Variants in NLGN4X observed in about 807,000 individuals in gnomAD.
The protein encoded by NLGN4X is neuroligin 4 X-linked, also known as neuroligin-4, X-linked.
In NLGN4X, 3 loss-of-function variants were observed where a neutral mutation model predicts 40.3. The ratio of observed to expected loss-of-function variants is 0.07; its 90% CI spans 0.03 to 0.19. The LOEUF (loss-of-function observed/expected upper bound fraction) is 0.19. Ranked by LOEUF, NLGN4X falls within the 10% of genes least tolerant of loss-of-function variation. The pLI, the probability that NLGN4X is intolerant of heterozygous loss-of-function variation, is 1.00. For synonymous variants in NLGN4X, 270 were observed against 306.8 expected (o/e 0.88, Z 1.25); for missense variants, 382 against 708.3 (o/e 0.54, Z 5.23).
In NLGN4X at chrX:6,221,737, C is replaced by T. The variant is rs1025153516; in HGVS notation, c.-306+6804G>A. ...ATAAGTTAAAGGCACTCAGTTGCAG[C>T]GAGCTTCTTCTGCCCCCATCCCCCA... On this transcript the variant is annotated intron_variant, in intron 1 of 5. Coordinates refer to ENST00000381095, the MANE Select transcript of NLGN4X (RefSeq NM_181332.3). 8.2e-5 allele frequency among the ~76,000 whole-genome samples: 9 copies of T among 110,421 alleles called. No individual in the cohort carries two copies. The East Asian group carries it at 1.4e-3, about 18-fold the overall frequency.
chrX:6,077,490 T>G (rs2147388118), intron 2 of NLGN4X, among the ~76,000 whole-genome samples: 1 of 110,270 alleles, frequency 9.1e-6, no homozygotes, highest in East Asian at 2.9e-4. Flanking sequence ...GGTTTCACTA[T>G]GTTGCCCAGG....
chrX:5,993,601 C>T (rs943262515), intron 3 of NLGN4X, among the ~76,000 whole-genome samples: 1 of 112,084 alleles, frequency 8.9e-6, no homozygotes, highest in Non-Finnish European at 1.9e-5. Context: ...CAAAGCAAGG[C>T]CTAGTAACAG....
chrX:6,210,242 T>TTGTG (rs748017875), intron 1 of NLGN4X, among the ~76,000 whole-genome samples: 1,592 of 94,034 alleles, frequency 0.017, 22 homozygotes, highest in African/African-American at 0.049. Flanking sequence ...GTGCGCCCGT[T>TTGTG]TGTGTGTGTG....
intron 2 of NLGN4X, among the ~76,000 whole-genome samples, chrX:6,128,180 T>C (rs192024601): frequency 1.8e-5 from 2 of 111,091 alleles, no homozygotes; most frequent in East Asian, 2.9e-4. Flanking sequence ...AATGGGTCAT[T>C]AGGGAGTTGA....
chrX:6,073,873 G>T (rs1045317662), intron 2 of NLGN4X, among the ~76,000 whole-genome samples: 3 of 109,723 alleles, frequency 2.7e-5, no homozygotes, highest in Non-Finnish European at 5.7e-5. Flanking sequence ...AGATAATGAA[G>T]GAATAATGCA....
At chrX:6,088,938 A>G (rs1450634210) in intron 2 of NLGN4X, among the ~76,000 whole-genome samples, 1 of 111,984 alleles carries the variant, frequency 8.9e-6, no homozygotes, top group Admixed American at 9.5e-5. Flanking sequence ...CAGATGAATG[A>G]TAAATGCCTG....
At chrX:6,162,078 G>A (rs1187050149) in intron 1 of NLGN4X, among the ~76,000 whole-genome samples, 1 of 111,862 alleles carries the variant, frequency 8.9e-6, no homozygotes, top group Non-Finnish European at 1.9e-5. Flanking sequence ...TTTTCAGAGA[G>A]ATGGTCCTAC....
intron 1 of NLGN4X, among the ~76,000 whole-genome samples, chrX:6,211,484 G>A (rs1237095244): frequency 1.8e-5 from 2 of 111,901 alleles, no homozygotes; most frequent in Non-Finnish European, 3.8e-5. Context: ...AATAGCTTAT[G>A]CTATCATACT....
intron 3 of NLGN4X, among the ~76,000 whole-genome samples, chrX:6,003,364 C>T (rs1203878185): frequency 1.8e-5 from 2 of 112,591 alleles, no homozygotes; most frequent in East Asian, 5.6e-4. Context: ...GTGCCTTGCA[C>T]TGGTTTATTT....
intron 3 of NLGN4X, among the ~76,000 whole-genome samples, chrX:5,960,259 C>A (rs201844663): frequency 2.4e-3 from 215 of 91,312 alleles, no homozygotes; most frequent in Admixed American, 3.2e-3. Context: ...GCCAATTTTG[C>A]AAAAAAAAAA....
At chrX:5,950,270 T>C (rs13440986) in intron 3 of NLGN4X, among the ~76,000 whole-genome samples, 5,136 of 112,019 alleles carry the variant, frequency 0.046, 308 homozygotes, top group African/African-American at 0.16. Context: ...GTGTTGTAAG[T>C]GTAAAATGTA....
chrX:6,131,075 T>C (rs747154973), intron 2 of NLGN4X, among the ~76,000 whole-genome samples: 43 of 111,765 alleles, frequency 3.8e-4, no homozygotes, highest in Middle Eastern at 4.6e-3. Context: ...TAAATACACC[T>C]ATGGATACTC....
chrX:6,033,392 C>T (rs2036922627), intron 2 of NLGN4X, among the ~76,000 whole-genome samples: 1 of 112,193 alleles, frequency 8.9e-6, no homozygotes, highest in South Asian at 3.7e-4. Context: ...AGAAGCACTA[C>T]CCACTATTCA....
chrX:5,987,046 A>C (rs1275518702), intron 3 of NLGN4X, among the ~76,000 whole-genome samples: 1 of 112,005 alleles, frequency 8.9e-6, no homozygotes, highest in Non-Finnish European at 1.9e-5. Flanking sequence ...ACGAATTTAT[A>C]ATAACCTCAA....
chrX:6,169,527 C>T (rs1165959629), intron 1 of NLGN4X, among the ~76,000 whole-genome samples: 1 of 113,119 alleles, frequency 8.8e-6, no homozygotes, highest in Non-Finnish European at 1.9e-5. Flanking sequence ...GCATCCTTGA[C>T]CACGGAACGA....
chrX:5,947,141 A>AT (rs1415262904), intron 3 of NLGN4X, among the ~76,000 whole-genome samples: 2 of 111,953 alleles, frequency 1.8e-5, no homozygotes, highest in Non-Finnish European at 3.8e-5. Flanking sequence ...CAATGAACAT[A>AT]TGTGCGCATG....
At chrX:5,978,293 T>G (rs1383859745) in intron 3 of NLGN4X, among the ~76,000 whole-genome samples, 8 of 41,477 alleles carry the variant, frequency 1.9e-4, no homozygotes, top group Non-Finnish European at 2.9e-4. Context: ...TCTTTCTTTC[T>G]TTCTTTCTTT....
intron 3 of NLGN4X, among the ~76,000 whole-genome samples, chrX:5,976,213 T>C (rs1436661592): frequency 8.9e-6 from 1 of 112,391 alleles, no homozygotes; most frequent in Non-Finnish European, 1.9e-5. Context: ...TTTTTGGATG[T>C]TCCTTGTTTA....
chrX:6,067,903 C>A lies in NLGN4X; in HGVS notation c.473-38471G>T, dbSNP rs146026221. 4.2e-3 allele frequency among the ~76,000 whole-genome samples: 462 copies of A among 111,264 alleles called. 1 individual carries two copies. Among genetic ancestry groups the A allele is most frequent in the African/African-American group, 0.015 (444 of 30,592 alleles). On this transcript the variant is annotated intron_variant, in intron 2 of 5. Transcript: ENST00000381095. ...TGTCTCTCAACTCCATTTAGGAGGA[C>A]AGAAACATAAAACAGAAATTGTCCT...
Sources: allele counts gnomAD v4.1 joint callset (sites outside exome capture counted in the v4.1 genomes callset), GRCh38; gene constraint gnomAD v4.1.1; transcripts MANE v1.5; gene names NCBI Gene and HGNC (gene_info 2026-07-23, HGNC 2026-07-21).